UBAP2: variants seen among roughly 807,000 people sequenced by gnomAD.
UBAP2 encodes the protein ubiquitin-associated protein 2.
In UBAP2, 75 loss-of-function variants were observed where a neutral mutation model predicts 139.6. That is an observed-to-expected ratio of 0.54 (90% confidence interval 0.45 to 0.65). The LOEUF (loss-of-function observed/expected upper bound fraction) is 0.65. Ranked by LOEUF, UBAP2 falls within the 30% of genes least tolerant of loss-of-function variation. The pLI is 0.00. For missense variants in UBAP2, 1,368 were observed against 1,369.6 expected, an observed-to-expected ratio of 1.00 and a Z score of 0.02; for synonymous variants, 526 against 526.2, an observed-to-expected ratio of 1.00 and a Z score of 0.01.
At position 33,922,285 on chromosome 9, in the gene UBAP2, C is replaced by T. The variant is rs923684381; in HGVS notation, c.*219G>A. The stretch of plus-strand genomic sequence containing the variant: ...GAGGGCAGACCTGGCTAACATCTGC[C>T]GCCATCCCCCAACTCCCCCCCAGAC... On this transcript the variant is annotated 3_prime_UTR_variant, in exon 29 of 29. Transcript: ENST00000379238. 7.2e-6 allele frequency: 4 copies of T among 554,806 alleles called. No homozygotes were observed. Among genetic ancestry groups the T allele is most frequent in the Non-Finnish European group, 1.3e-5 (4 of 311,586 alleles). 34.4% of individuals were successfully genotyped at this position (554,806 alleles called of 1,614,324 possible).
chr9:33,930,957 C>T (rs1356848195), intron 19 of UBAP2, among the ~76,000 whole-genome samples: 2 of 149,156 alleles, frequency 1.3e-5, no homozygotes, highest in East Asian at 2.0e-4. Context: ...GTATGCACTG[C>T]GTGTTTTGAC....
chr9:33,939,503 A>G (rs1251151325), intron 16 of UBAP2, among the ~76,000 whole-genome samples: 1 of 150,906 alleles, frequency 6.6e-6, no homozygotes, highest in Non-Finnish European at 1.5e-5. Context: ...CCAGATTCCT[A>G]TGTGTTTTTA....
intron 19 of UBAP2, among the ~76,000 whole-genome samples, chr9:33,931,792 T>C (rs945656037): frequency 6.6e-6 from 1 of 152,152 alleles, no homozygotes; most frequent in Non-Finnish European, 1.5e-5. Context: ...GCCTCCTCCA[T>C]TCGTCTGCAC....
chr9:33,922,290 T>A lies in UBAP2; in HGVS notation c.*214A>T, dbSNP rs1053955360. 2.9e-5 allele frequency: 16 copies of A among 560,274 alleles called. No homozygotes were observed. Among genetic ancestry groups the A allele is most frequent in the Non-Finnish European group, 5.1e-5 (16 of 315,224 alleles). The allele number at this position is 560,274 out of a possible 1,614,324, so 34.7% of individuals were successfully genotyped here. ...CAGACCTGGCTAACATCTGCCGCCA[T>A]CCCCCAACTCCCCCCCAGACTTCTA... On this transcript the variant is annotated 3_prime_UTR_variant, in exon 29 of 29. Coordinates refer to ENST00000379238, the MANE Select transcript of UBAP2 (RefSeq NM_001370062.2).
intron 1 of UBAP2, among the ~76,000 whole-genome samples, chr9:34,023,087 A>G (rs987398541): frequency 6.6e-6 from 1 of 152,130 alleles, no homozygotes; most frequent in African/African-American, 2.4e-5. Flanking sequence ...TTAGCCAGGC[A>G]TGGTGGCACG....
intron 19 of UBAP2, among the ~76,000 whole-genome samples, chr9:33,931,504 G>A (rs894324558): frequency 8.5e-5 from 13 of 152,270 alleles, no homozygotes; most frequent in African/African-American, 2.9e-4. Context: ...ACAGCTCCAC[G>A]GCACTCCTGC....
chr9:34,005,943 G>C (rs1364509351), intron 2 of UBAP2, among the ~76,000 whole-genome samples: 1 of 151,988 alleles, frequency 6.6e-6, no homozygotes, highest in African/African-American at 2.4e-5. Flanking sequence ...TTAAGAACTG[G>C]ACTCTGGCCA....
intron 6 of UBAP2, among the ~76,000 whole-genome samples, chr9:33,985,797 G>A (rs1821158210): frequency 2.0e-5 from 3 of 152,098 alleles, no homozygotes; most frequent in African/African-American, 7.2e-5. Context: ...TTAGGCAGGT[G>A]GATCACTTGA....
At chr9:33,983,749 A>G (rs944580333) in intron 6 of UBAP2, among the ~76,000 whole-genome samples, 1 of 152,190 alleles carries the variant, frequency 6.6e-6, no homozygotes, top group Non-Finnish European at 1.5e-5. Context: ...CCATCTTTCT[A>G]TCTTTGACAA....
intron 12 of UBAP2, among the ~76,000 whole-genome samples, chr9:33,952,312 T>C (rs538688060): frequency 6.6e-6 from 1 of 152,358 alleles, no homozygotes; most frequent in East Asian, 1.9e-4. Context: ...GTATAAGCTA[T>C]GATCTAAGCT....
At chr9:34,039,150 G>A (rs966415158) in intron 1 of UBAP2, among the ~76,000 whole-genome samples, 2 of 151,598 alleles carry the variant, frequency 1.3e-5, no homozygotes, top group Non-Finnish European at 2.9e-5. Flanking sequence ...GAGGTGGGGG[G>A]CAGCCTCCGC....
chr9:33,992,665 G>A (rs115049314), intron 4 of UBAP2, among the ~76,000 whole-genome samples: 5 of 143,298 alleles, frequency 3.5e-5, no homozygotes, highest in Admixed American at 7.0e-5. Flanking sequence ...CGGAGGGGGG[G>A]GGGCACAAAT....
At chr9:34,003,215 G>T (rs943338264) in intron 2 of UBAP2, among the ~76,000 whole-genome samples, 1 of 151,666 alleles carries the variant, frequency 6.6e-6, no homozygotes, top group South Asian at 2.1e-4. Context: ...GGTTTTGGTA[G>T]AGACGGGGTT....
At chr9:34,002,566 A>T (rs953558766) in intron 2 of UBAP2, among the ~76,000 whole-genome samples, 2 of 151,628 alleles carry the variant, frequency 1.3e-5, no homozygotes, top group African/African-American at 2.4e-5. Context: ...TTAGTAGAGA[A>T]CGGGTTTCAC....
At chr9:34,045,768 G>T (rs1320151673) in intron 1 of UBAP2, among the ~76,000 whole-genome samples, 1 of 152,122 alleles carries the variant, frequency 6.6e-6, no homozygotes, top group African/African-American at 2.4e-5. Flanking sequence ...CATTAAAATT[G>T]TAAAAACTAA....
In UBAP2 at chr9:33,922,599, T is replaced by C. The variant is rs556932450; in HGVS notation, c.3265A>G (p.Ser1089Gly). The change falls in exon 29 of 29, where the codon AGT becomes GGT. Residue 1089 changes from serine to glycine, a missense_variant and splice_region_variant. By Grantham distance (56) the Ser-to-Gly change is moderately conservative. Coordinates refer to ENST00000379238, the MANE Select transcript of UBAP2 (RefSeq NM_001370062.2). ...GGCTGGCTGCGCTGACCCGAGCCAC[T>C]CTGAGGAAGAGGAGAAGGGAAGGCT... ...LHHHLPQDAQ[S>G]GSGQRSQPSS... 2 of 1,612,794 alleles carry C rather than the reference T, an allele frequency of 1.2e-6. No individual in the cohort carries two copies. Among genetic ancestry groups the C allele is most frequent in the African/African-American group, 2.7e-5 (2 of 74,850 alleles).
At chr9:34,040,323 CAAAAAAAAAAAAAA>C (rs56317641) in intron 1 of UBAP2, among the ~76,000 whole-genome samples, 1 of 88,866 alleles carries the variant, frequency 1.1e-5, no homozygotes, top group African/African-American at 4.7e-5. Flanking sequence ...GACTCTGTCT[CAAAAAAAAAAAAAA>C]AAAAAAAAAA....
chr9:34,043,267 G>C (rs1005445879), intron 1 of UBAP2, among the ~76,000 whole-genome samples: 1 of 151,978 alleles, frequency 6.6e-6, no homozygotes, highest in African/African-American at 2.4e-5. Flanking sequence ...AACCACCCAG[G>C]CTTAAGCAAT....
At chr9:34,043,712 T>A (rs1452703537) in intron 1 of UBAP2, among the ~76,000 whole-genome samples, 1 of 151,876 alleles carries the variant, frequency 6.6e-6, no homozygotes, top group Non-Finnish European at 1.5e-5. Context: ...CCCACGCTGG[T>A]CTCGAACTCC....
Sources: allele counts gnomAD v4.1 joint callset (sites outside exome capture counted in the v4.1 genomes callset), GRCh38; gene constraint gnomAD v4.1.1; transcripts MANE v1.5; gene names NCBI Gene and HGNC (gene_info 2026-07-23, HGNC 2026-07-21).